EFR3B: variants seen among roughly 807,000 people sequenced by gnomAD.
The protein encoded by EFR3B is protein EFR3 homolog B.
In EFR3B, 64 loss-of-function variants were observed where a neutral mutation model predicts 104.7. The ratio of observed to expected loss-of-function variants is 0.61; its 90% confidence interval spans 0.50 to 0.75. The LOEUF (loss-of-function observed/expected upper bound fraction) is 0.75. Ranked by LOEUF, EFR3B falls within the 30% of genes least tolerant of loss-of-function variation. The pLI, the probability that EFR3B is intolerant of heterozygous loss-of-function variation, is 0.00. For synonymous variants in EFR3B, 385 were observed against 417.9 expected, an observed-to-expected ratio of 0.92 and a Z score of 0.96; for missense variants, 750 against 1,078.5, an observed-to-expected ratio of 0.70 and a Z score of 4.27.
Position 25,103,712 on chromosome 2 carries a change from G to A in EFR3B, c.288G>A (p.Val96=). 5 of 1,551,698 alleles carry A rather than the reference G, an allele frequency of 3.2e-6. No individual in the cohort carries two copies. Among genetic ancestry groups the A allele is most frequent in the Non-Finnish European group, 4.4e-6 (5 of 1,146,974 alleles). The change falls in exon 4 of 23, where the codon GTG becomes GTA. Residue 96 remains valine, a synonymous_variant. Transcript: ENST00000403714. ...ACTGCCAGAGCATCAACCTCTTCGT[G>A]GAGAGCTTCCTCAAGATGGTGGCCA... ...ACHCQSINLF[V]ESFLKMVAKL...
rs370707193 is a variant in EFR3B, at chr2:25,145,038, C to T, written c.2129C>T (p.Pro710Leu). The change falls in exon 19 of 23, where the codon CCG becomes CTG. Residue 710 changes from proline to leucine, a missense_variant. Pro to Leu is a moderately conservative substitution (Grantham distance 98, BLOSUM62 -3). Coordinates refer to ENST00000403714, the MANE Select transcript of EFR3B (RefSeq NM_014971.2). ...LQVEVESRNS[P>L]EKEERVPAEE... is the part of the protein sequence containing the mutation. ...GTGGAGGTAGAATCGAGGAACAGTC[C>T]GGAGAAGGAGGAGGTGAGTGTCCGT... 1.6e-5 allele frequency: 25 copies of T among 1,551,572 alleles called. No individual in the cohort carries two copies. The highest frequency in any genetic ancestry group is 9.6e-5 in the African/African-American group (7 of 73,030).
intron 4 of EFR3B, among the ~76,000 whole-genome samples, chr2:25,115,384 C>T (rs1165500728): frequency 1.3e-5 from 2 of 152,170 alleles, no homozygotes; most frequent in Non-Finnish European, 2.9e-5. Flanking sequence ...CTCAGCTCCA[C>T]CTGTCGCAAG....
chr2:25,132,606 GCCCTGGT>G (rs1428159164), intron 10 of EFR3B, among the ~76,000 whole-genome samples: 1 of 100,992 alleles, frequency 9.9e-6, no homozygotes, highest in African/African-American at 3.8e-5. Context: ...CCCCCGCTCC[GCCCTGGT>G]CCCAGGGCCC....
chr2:25,136,674 G>C lies in EFR3B; in HGVS notation c.1560+76G>C. The C allele has an allele frequency of 7.8e-7, 1 of 1,279,762 alleles. No individual in the cohort carries two copies. The highest frequency in any genetic ancestry group is 1.1e-6 in the Non-Finnish European group (1 of 906,600). The allele number at this position is 1,279,762 out of a possible 1,614,324, so 79.3% of individuals were successfully genotyped here. A position where few individuals can be genotyped will look rare whatever the true frequency, so the allele number is the denominator to read the frequency against. ...CGCCTGCAATCCCAGCACTTTGGGA[G>C]GCTGAGGCGGGCGGATAGATCACTT... On this transcript the variant is annotated intron_variant, in intron 14 of 22. Transcript: ENST00000403714. This position sits in a 1 kb window ranked among gnomAD's most constrained non-coding sequence, Gnocchi z 4.0.
chr2:25,144,904 C>T, intron 18 of EFR3B, 56 bp from the exon 19 acceptor site: 1 of 1,482,332 alleles, frequency 6.7e-7, no homozygotes, highest in South Asian at 1.2e-5. Flanking sequence ...ACTAGCAGCT[C>T]AGTCCTGGAT....
In EFR3B at chr2:25,143,797, A is replaced by G. The variant is rs1670743313; in HGVS notation, c.1985A>G (p.Glu662Gly). 6.4e-7 allele frequency: 1 copy of G among 1,551,526 alleles called. No individual in the cohort carries two copies. The highest frequency in any genetic ancestry group is 8.7e-7 in the Non-Finnish European group (1 of 1,146,992). ...ELLFRQSKIS[E>G]VLGGSGYNSD... ...CTCTTCCGCCAGAGCAAGATCAGTG[A>G]AGTCCTGGGAGGCAGTGGCTACAAC... The change falls in exon 18 of 23, where the codon GAA becomes GGA. Residue 662 changes from glutamate to glycine, a missense_variant. By Grantham distance (98) the Glu-to-Gly change is moderately conservative. Transcript: ENST00000403714.
At position 25,143,788 on chromosome 2, in the gene EFR3B, A is replaced by G; in HGVS notation, c.1976A>G (p.Lys659Arg). ...VVIELLFRQSKISEVLGGSGY... is the reference protein window; with the variant it reads ...VVIELLFRQSRISEVLGGSGY... ...ATTGAGCTCCTCTTCCGCCAGAGCA[A>G]GATCAGTGAAGTCCTGGGAGGCAGT... The change falls in exon 18 of 23, where the codon AAG becomes AGG. Residue 659 changes from lysine (K) to arginine (R), a missense_variant. Lys to Arg is a conservative substitution (Grantham distance 26). Coordinates refer to ENST00000403714, the MANE Select transcript of EFR3B (RefSeq NM_014971.2). 1 of 1,551,610 alleles carries G rather than the reference A, an allele frequency of 6.4e-7. No homozygotes were observed. Among genetic ancestry groups the G allele is most frequent in the Non-Finnish European group, 8.7e-7 (1 of 1,146,976 alleles).
chr2:25,136,864 C>T lies in EFR3B; in HGVS notation c.1560+266C>T, dbSNP rs1006237161. 2.6e-5 allele frequency among the ~76,000 whole-genome samples: 4 copies of T among 152,118 alleles called. No homozygotes were observed. Among genetic ancestry groups the T allele is most frequent in the East Asian group, 1.9e-4 (1 of 5,188 alleles). On this transcript the variant is annotated intron_variant, in intron 14 of 22. Transcript: ENST00000403714. This position sits in a 1 kb window ranked among gnomAD's most constrained non-coding sequence, Gnocchi z 4.0. ...CCAGAAGGTGGAGGTTGCAGTGAAC[C>T]GAGATTGTGCCAATGTACTTCAGCC...
chr2:25,042,616 A>G lies in EFR3B; in HGVS notation c.7+297A>G, dbSNP rs1667603693. The G allele has an allele frequency of 8.5e-7, 1 of 1,173,724 alleles. No homozygotes were observed. The highest frequency in any genetic ancestry group is 4.6e-5 in the Admixed American group (1 of 21,788). The allele number at this position is 1,173,724 out of a possible 1,614,324, so 72.7% of individuals were successfully genotyped here. On this transcript the variant is annotated intron_variant, in intron 1 of 22. Transcript: ENST00000403714. The surrounding 1 kb of genome is among the most constrained non-coding windows in gnomAD (Gnocchi z 5.4). ...GTCTCCCGGAGCCGAGCAGACCGGG[A>G]GTGCTGGAGGAGGTGGTCGTGTGGC...
rs1407036664 is a variant in EFR3B at position 25,131,702 on chromosome 2, G to A, written c.986-48G>A. The A allele has an allele frequency of 6.7e-7, 1 of 1,484,386 alleles. No homozygotes were observed. Among genetic ancestry groups the A allele is most frequent in the African/African-American group, 1.4e-5 (1 of 71,466 alleles). The allele number at this position is 1,484,386 out of a possible 1,614,324, so 92.0% of individuals were successfully genotyped here. On this transcript the variant is annotated intron_variant, in intron 9 of 22. Coordinates refer to ENST00000403714, the MANE Select transcript of EFR3B (RefSeq NM_014971.2). The surrounding 1 kb of genome is among the most constrained non-coding windows in gnomAD (Gnocchi z 7.6). The stretch of plus-strand genomic sequence containing the variant: ...CTGCCTGCGCGCGGTGCACAGAGGA[G>A]GAGGGTGCCAGCCTTGGATCTCGGG...
rs114621101 is a variant in EFR3B at position 25,103,378 on chromosome 2, G to A, written c.213-259G>A. The stretch of plus-strand genomic sequence containing the variant: ...CATGAAATGCTCTATCTCATCCGTC[G>A]TCCTGTTCTTAATCTGTAAAAGGAG... On this transcript the variant is annotated intron_variant, in intron 3 of 22. Transcript: ENST00000403714. Among the ~76,000 whole-genome samples the A allele has an allele frequency of 3.1e-3, 474 of 152,290 alleles. 1 individual carries two copies. The highest frequency in any genetic ancestry group is 0.011 in the African/African-American group (458 of 41,546).
chr2:25,113,676 A>G (rs1281341330), intron 4 of EFR3B, among the ~76,000 whole-genome samples: 1 of 151,938 alleles, frequency 6.6e-6, no homozygotes, highest in Non-Finnish European at 1.5e-5. Context: ...TCAAAAAAAA[A>G]AAAAAAGAAA....
At chr2:25,071,150 C>T (rs1365053042) in intron 1 of EFR3B, among the ~76,000 whole-genome samples, 14 of 152,022 alleles carry the variant, frequency 9.2e-5, no homozygotes, top group South Asian at 6.2e-4. Flanking sequence ...TTAGTAGAGA[C>T]GGGGTTTCAC....
intron 3 of EFR3B, among the ~76,000 whole-genome samples, chr2:25,095,040 C>T (rs936393563): frequency 1.3e-5 from 2 of 152,172 alleles, no homozygotes; most frequent in African/African-American, 4.8e-5. Context: ...ATCCTCCCGC[C>T]TCAGCCTGCC....
chr2:25,117,767 G>T (rs901951819), intron 4 of EFR3B, among the ~76,000 whole-genome samples: 1 of 151,970 alleles, frequency 6.6e-6, no homozygotes, highest in Non-Finnish European at 1.5e-5. Context: ...TCCACCTCTT[G>T]TTCTCTAACA....
At chr2:25,110,106 G>T (rs1669684109) in intron 4 of EFR3B, among the ~76,000 whole-genome samples, 2 of 151,658 alleles carry the variant, frequency 1.3e-5, no homozygotes, top group Non-Finnish European at 2.9e-5. Context: ...TTGCTTCCTT[G>T]CTCCCCTGCC....
chr2:25,133,037 C>T (rs1477246804), intron 11 of EFR3B, 23 bp downstream of exon 11: 1 of 1,539,512 alleles, frequency 6.5e-7, no homozygotes, highest in South Asian at 1.2e-5. Flanking sequence ...TCTCCCCCAG[C>T]CTGGAGTCCT....
At chr2:25,121,923 G>C (rs753939111) in intron 5 of EFR3B, 129 bp downstream of exon 5, 1 of 1,309,040 alleles carries the variant, frequency 7.6e-7, no homozygotes, top group Non-Finnish European at 1.0e-6. Flanking sequence ...TGATGTTGCC[G>C]GGCAGGTGGG....
intron 4 of EFR3B, among the ~76,000 whole-genome samples, chr2:25,116,288 T>C (rs1669856786): frequency 6.6e-6 from 1 of 152,206 alleles, no homozygotes. Context: ...GAATCTTCTC[T>C]ACTTTATTCA....
Sources: gnomAD v4.1 joint callset for allele counts (sites outside exome capture counted in the v4.1 genomes callset) on GRCh38, gnomAD v4.1.1 for gene constraint, Gnocchi (gnomAD v3.1) non-coding constraint, MANE v1.5 for transcripts, NCBI Gene and HGNC (gene_info 2026-07-23, HGNC 2026-07-21) for gene names.